Variants in DCC observed in about 807,000 individuals in gnomAD.
The protein encoded by DCC is netrin receptor DCC.
A neutral mutation model predicts 172.5 loss-of-function variants in DCC; 58 were observed. The ratio of observed to expected loss-of-function variants is 0.34; its 90% CI spans 0.27 to 0.42. The LOEUF (loss-of-function observed/expected upper bound fraction) is 0.42. Ranked by LOEUF, DCC falls within the 10% of genes least tolerant of loss-of-function variation. DCC has a pLI of 1.00. For missense variants in DCC, 1,740 were observed against 1,791.0 expected (o/e 0.97, Z 0.51); for synonymous variants, 709 against 644.5 (o/e 1.10, Z -1.52).
intron 9 of DCC, among the ~76,000 whole-genome samples, chr18:53,183,392 C>A (rs749285954): frequency 6.6e-6 from 1 of 152,140 alleles, no homozygotes; most frequent in Non-Finnish European, 1.5e-5. Flanking sequence ...TATGTAATTT[C>A]TCTACCATAT....
intron 5 of DCC, among the ~76,000 whole-genome samples, chr18:52,974,552 G>C (rs946902209): frequency 6.6e-6 from 1 of 152,160 alleles, no homozygotes; most frequent in Non-Finnish European, 1.5e-5. Flanking sequence ...TGATTATTTT[G>C]CTTGAAAAGC....
At chr18:52,447,630 T>G (rs1988166675) in intron 1 of DCC, among the ~76,000 whole-genome samples, 1 of 152,144 alleles carries the variant, frequency 6.6e-6, no homozygotes, top group East Asian at 1.9e-4. Flanking sequence ...AAAAGAGATG[T>G]AATAGGCTCA....
At chr18:53,134,908 G>A (rs2043716825) in intron 7 of DCC, among the ~76,000 whole-genome samples, 1 of 152,106 alleles carries the variant, frequency 6.6e-6, no homozygotes, top group South Asian at 2.1e-4. Context: ...ATTCCTAGCA[G>A]CTGATTCCGA....
At position 53,526,607 on chromosome 18, in the gene DCC, T is replaced by C. The variant is rs1426747532; in HGVS notation, c.4112-10T>C. On this transcript the variant is annotated splice_polypyrimidine_tract_variant and intron_variant, in intron 27 of 28. Coordinates refer to ENST00000442544, the MANE Select transcript of DCC (RefSeq NM_005215.4). ...CTACATTACTTTCATCACTGTGTTTTCTATTTCAGGGCCCACTCTTCCTAA... is the reference window on the plus strand; with the variant it reads ...CTACATTACTTTCATCACTGTGTTTCCTATTTCAGGGCCCACTCTTCCTAA... 1 of 1,613,304 alleles carries C rather than the reference T, an allele frequency of 6.2e-7. No individual in the cohort carries two copies. The highest frequency in any genetic ancestry group is 8.5e-7 in the Non-Finnish European group (1 of 1,179,450).
At chr18:52,723,869 T>C (rs1436058653) in intron 1 of DCC, among the ~76,000 whole-genome samples, 1 of 152,120 alleles carries the variant, frequency 6.6e-6, no homozygotes, top group Non-Finnish European at 1.5e-5. Context: ...CCCTCAGGCA[T>C]CCTAAGTGCT....
chr18:52,801,512 G>T (rs1366927908), intron 2 of DCC, among the ~76,000 whole-genome samples: 2 of 152,270 alleles, frequency 1.3e-5, no homozygotes, highest in African/African-American at 2.4e-5. Flanking sequence ...TCCAAAAGAA[G>T]ATTGCCTTAG....
At chr18:52,477,873 A>G (rs1989138720) in intron 1 of DCC, among the ~76,000 whole-genome samples, 1 of 152,120 alleles carries the variant, frequency 6.6e-6, no homozygotes, top group Admixed American at 6.5e-5. Context: ...GCAGTGGCAC[A>G]AACATGTGTC....
intron 1 of DCC, among the ~76,000 whole-genome samples, chr18:52,386,014 G>A (rs922381188): frequency 3.9e-5 from 6 of 152,010 alleles, no homozygotes; most frequent in South Asian, 2.1e-4. Context: ...GTATACTTAC[G>A]CAGATATAGG....
At chr18:52,991,969 G>A (rs2041400381) in intron 5 of DCC, among the ~76,000 whole-genome samples, 1 of 152,184 alleles carries the variant, frequency 6.6e-6, no homozygotes, top group African/African-American at 2.4e-5. Flanking sequence ...AAGTCTGCAA[G>A]GGATGCTGTG....
At chr18:53,198,467 CAT>C (rs1003974046) in intron 9 of DCC, among the ~76,000 whole-genome samples, 2 of 151,964 alleles carry the variant, frequency 1.3e-5, no homozygotes, top group African/African-American at 2.4e-5. Context: ...CACACACACA[CAT>C]ACAGACACAC....
At position 52,767,730 on chromosome 18, in the gene DCC, A is replaced by T. The variant is rs183958060; in HGVS notation, c.412+15356A>T. 2.8e-3 allele frequency among the ~76,000 whole-genome samples: 433 copies of T among 152,270 alleles called. 3 individuals carry two copies. Among genetic ancestry groups the T allele is most frequent in the African/African-American group, 9.6e-3 (400 of 41,558 alleles). On this transcript the variant is annotated intron_variant, in intron 2 of 28. Coordinates refer to ENST00000442544, the MANE Select transcript of DCC (RefSeq NM_005215.4). ...ACCTGTAGTACAAACGTTTCACTTT[A>T]AAAAAGGGCTTTTTAAAAGCCGTTT...
In DCC at chr18:52,398,775, A is replaced by G. The variant is rs80327521; in HGVS notation, c.91+57897A>G. ...AAGTCTGTTTTTCCACTGGGCTTAC[A>G]TATTGTTTTATAGACATAGTCATGG... On this transcript the variant is annotated intron_variant, in intron 1 of 28. Coordinates refer to ENST00000442544, the MANE Select transcript of DCC (RefSeq NM_005215.4). Among the ~76,000 whole-genome samples the G allele has an allele frequency of 7.5e-3, 1,145 of 152,046 alleles. 11 individuals are homozygous for G. Among genetic ancestry groups the G allele is most frequent in the African/African-American group, 0.026 (1,076 of 41,526 alleles).
At chr18:53,456,506 A>C (rs974062831) in intron 23 of DCC, among the ~76,000 whole-genome samples, 1 of 152,212 alleles carries the variant, frequency 6.6e-6, no homozygotes, top group African/African-American at 2.4e-5. Context: ...CTCTATGTCA[A>C]ATAGAAAAAC....
intron 28 of DCC, among the ~76,000 whole-genome samples, chr18:53,527,821 A>C (rs1017840966): frequency 2.0e-5 from 3 of 152,158 alleles, no homozygotes; most frequent in African/African-American, 7.2e-5. Context: ...AAACATTTAA[A>C]AGAAGCCTAA....
chr18:52,827,200 A>G (rs1476460620), intron 2 of DCC, among the ~76,000 whole-genome samples: 2 of 152,236 alleles, frequency 1.3e-5, no homozygotes, highest in African/African-American at 2.4e-5. Flanking sequence ...TAGGTAGGTC[A>G]TTTAAGTTCA....
intron 5 of DCC, among the ~76,000 whole-genome samples, chr18:52,997,723 G>T (rs985337893): frequency 1.3e-5 from 2 of 152,078 alleles, no homozygotes; most frequent in Non-Finnish European, 2.9e-5. Flanking sequence ...ATTTTACAAA[G>T]GTCAGAACAA....
rs2057832043 is a variant in DCC, at chr18:53,353,133, C to T, written c.2359+13226C>T. 2.6e-5 allele frequency among the ~76,000 whole-genome samples: 4 copies of T among 152,026 alleles called. No homozygotes were observed. In the South Asian group the frequency reaches 8.3e-4, roughly 32 times the overall value. On this transcript the variant is annotated intron_variant, in intron 15 of 28. Coordinates refer to ENST00000442544, the MANE Select transcript of DCC (RefSeq NM_005215.4). ...TTTCTACTAAAAATACAAAATTAGC[C>T]AGATGTGGTGACACATGCCTGTAAT... is the stretch of plus-strand genomic sequence containing the variant.
At chr18:52,616,812 G>A (rs2034390269) in intron 1 of DCC, among the ~76,000 whole-genome samples, 1 of 152,158 alleles carries the variant, frequency 6.6e-6, no homozygotes, top group Admixed American at 6.5e-5. Flanking sequence ...AGTGAAAAAG[G>A]ACTCTAGACA....
In DCC at chr18:53,147,176, T is replaced by C. The variant is rs562104165; in HGVS notation, c.1262-10180T>C. ...TCTTCTATGGTTGATAGCTTAGATA[T>C]CATTTTCTTCACTGCAGTACATTAA... On this transcript the variant is annotated intron_variant, in intron 7 of 28. Transcript: ENST00000442544. 5.5e-4 allele frequency among the ~76,000 whole-genome samples: 84 copies of C among 152,298 alleles called. 4 individuals are homozygous for C. In the South Asian group the frequency reaches 0.014, roughly 26 times the overall value.
Sources: allele counts gnomAD v4.1 joint callset (sites outside exome capture counted in the v4.1 genomes callset), GRCh38; gene constraint gnomAD v4.1.1; transcripts MANE v1.5; gene names NCBI Gene and HGNC (gene_info 2026-07-23, HGNC 2026-07-21).